Variants in RSBN1L observed in about 807,000 individuals in gnomAD.
The protein encoded by RSBN1L is lysine-specific demethylase RSBN1L.
RSBN1L carries 30 observed loss-of-function variants against 67.7 expected under a neutral mutation model. That is an observed-to-expected ratio of 0.44 (90% confidence interval 0.33 to 0.60). RSBN1L has a LOEUF of 0.60. RSBN1L is among the 20% of genes least tolerant of loss of function. The pLI, the probability that RSBN1L is intolerant of heterozygous loss-of-function variation, is 0.02. For synonymous variants in RSBN1L, 433 were observed against 387.0 expected, an observed-to-expected ratio of 1.12 and a Z score of -1.39; for missense variants, 992 against 1,031.7, an observed-to-expected ratio of 0.96 and a Z score of 0.53.
chr7:77,776,056 C>A (rs1283929874), intron 6 of RSBN1L, among the ~76,000 whole-genome samples: 3 of 150,012 alleles, frequency 2.0e-5, no homozygotes, highest in Non-Finnish European at 3.0e-5. Context: ...GACTCCGTCT[C>A]AAAAAAAAAA....
chr7:77,771,806 G>T (rs1182134371), intron 5 of RSBN1L, among the ~76,000 whole-genome samples: 1 of 149,224 alleles, frequency 6.7e-6, no homozygotes, highest in Non-Finnish European at 1.5e-5. Context: ...CACTGTGCCC[G>T]GCCTCCTCAG....
intron 3 of RSBN1L, among the ~76,000 whole-genome samples, chr7:77,752,258 G>A (rs1350558570): frequency 5.9e-5 from 9 of 152,190 alleles, no homozygotes; most frequent in African/African-American, 1.9e-4. Context: ...TTTTTTACCA[G>A]TTGTGGTTCT....
intron 1 of RSBN1L, among the ~76,000 whole-genome samples, chr7:77,701,112 A>G (rs1206486929): frequency 6.8e-6 from 1 of 146,954 alleles, no homozygotes; most frequent in East Asian, 2.0e-4. Flanking sequence ...AGATGGCGTC[A>G]CTGTACTCCA....
intron 1 of RSBN1L, among the ~76,000 whole-genome samples, chr7:77,700,931 C>T (rs938123219): frequency 1.3e-5 from 2 of 151,974 alleles, no homozygotes; most frequent in African/African-American, 4.8e-5. Flanking sequence ...CTGAAGCTGG[C>T]GAATCGCCTG....
chr7:77,752,213 AT>A (rs1396082264), intron 3 of RSBN1L, among the ~76,000 whole-genome samples: 6 of 152,058 alleles, frequency 3.9e-5, no homozygotes, highest in African/African-American at 1.5e-4. Context: ...GGTAATATAT[AT>A]TGCAAAGAGG....
chr7:77,760,596 T>C (rs1791686205), intron 3 of RSBN1L, among the ~76,000 whole-genome samples: 1 of 152,222 alleles, frequency 6.6e-6, no homozygotes, highest in Non-Finnish European at 1.5e-5. Flanking sequence ...GCATTTCTTT[T>C]TTTAGAAAGC....
intron 3 of RSBN1L, among the ~76,000 whole-genome samples, chr7:77,753,785 G>A (rs1371344866): frequency 6.6e-6 from 1 of 152,162 alleles, no homozygotes; most frequent in African/African-American, 2.4e-5. Flanking sequence ...GCAGCTAAAA[G>A]TATTGGAAAA....
chr7:77,708,297 T>C (rs1396698370), intron 1 of RSBN1L, among the ~76,000 whole-genome samples: 2 of 152,014 alleles, frequency 1.3e-5, no homozygotes, highest in Non-Finnish European at 2.9e-5. Context: ...CTGGCTAAGA[T>C]TGATGCTTTT....
intron 1 of RSBN1L, among the ~76,000 whole-genome samples, chr7:77,729,037 A>G (rs1451158766): frequency 6.6e-6 from 1 of 152,082 alleles, no homozygotes; most frequent in Non-Finnish European, 1.5e-5. Flanking sequence ...TAACATATTG[A>G]AAATATTTTG....
intron 1 of RSBN1L, among the ~76,000 whole-genome samples, chr7:77,705,188 A>G (rs1790874432): frequency 6.6e-6 from 1 of 152,200 alleles, no homozygotes; most frequent in South Asian, 2.1e-4. Context: ...GATAAAATAC[A>G]TGTACCTTGA....
intron 2 of RSBN1L, among the ~76,000 whole-genome samples, chr7:77,741,425 C>G (rs1444936856): frequency 1.3e-5 from 2 of 151,856 alleles, no homozygotes; most frequent in East Asian, 3.9e-4. Context: ...GATGTGGTGG[C>G]TCACGCCTGT....
chr7:77,723,059 C>T lies in RSBN1L; in HGVS notation c.587-13351C>T, dbSNP rs376430124. ...CTCGGCTCACCACAACCTCCGCCTC[C>T]TGGTTCAATCGGTTCTTGTGTCTCA... On this transcript the variant is annotated intron_variant, in intron 1 of 7. Transcript: ENST00000334955. 2.4e-4 allele frequency among the ~76,000 whole-genome samples: 37 copies of T among 151,692 alleles called. 1 individual carries two copies. In the South Asian group the frequency reaches 2.7e-3, roughly 11 times the overall value.
intron 4 of RSBN1L, among the ~76,000 whole-genome samples, chr7:77,766,144 G>A (rs1013974218): frequency 2.0e-5 from 3 of 152,198 alleles, no homozygotes; most frequent in Admixed American, 6.5e-5. Flanking sequence ...CTGGGCTTCA[G>A]TTTCATCATC....
chr7:77,708,412 C>T (rs991186540), intron 1 of RSBN1L, among the ~76,000 whole-genome samples: 4 of 148,552 alleles, frequency 2.7e-5, no homozygotes, highest in Admixed American at 1.3e-4. Flanking sequence ...AGATAAGTCT[C>T]GCTCTGTCAC....
intron 1 of RSBN1L, among the ~76,000 whole-genome samples, chr7:77,731,626 C>CTT (rs1791273142): frequency 6.6e-6 from 1 of 152,070 alleles, no homozygotes; most frequent in Non-Finnish European, 1.5e-5. Flanking sequence ...ACATCTTTAC[C>CTT]AAGTATTTTC....
intron 6 of RSBN1L, among the ~76,000 whole-genome samples, chr7:77,777,681 T>A (rs1482198170): frequency 6.6e-6 from 1 of 152,118 alleles, no homozygotes; most frequent in African/African-American, 2.4e-5. Context: ...TAGTTATGAT[T>A]TGCCTTCATA....
At chr7:77,724,847 G>GTT (rs1306843890) in intron 1 of RSBN1L, among the ~76,000 whole-genome samples, 2 of 132,354 alleles carry the variant, frequency 1.5e-5, no homozygotes, top group Non-Finnish European at 3.3e-5. Context: ...TTTCTTTTTT[G>GTT]TTTTTTTTTT....
rs371721014 is a variant in RSBN1L, at chr7:77,712,675, T to C, written c.586+15620T>C. Among the ~76,000 whole-genome samples, 2 of 152,206 alleles carry C rather than the reference T, an allele frequency of 1.3e-5. 1 individual carries two copies. Among genetic ancestry groups the C allele is most frequent in the South Asian group, 4.1e-4 (2 of 4,834 alleles). On this transcript the variant is annotated intron_variant, in intron 1 of 7. Coordinates refer to ENST00000334955, the MANE Select transcript of RSBN1L (RefSeq NM_198467.3). The stretch of plus-strand genomic sequence containing the variant: ...TATTAGAAATACTGTTCCATGTCAA[T>C]ATGTGTAGAACTATATTATCAATTT...
intron 1 of RSBN1L, among the ~76,000 whole-genome samples, chr7:77,733,721 T>G (rs1362091936): frequency 6.6e-6 from 1 of 152,164 alleles, no homozygotes; most frequent in Non-Finnish European, 1.5e-5. Flanking sequence ...AATAATTGAG[T>G]CATAGTGTAT....
Sources: gnomAD v4.1 joint callset for allele counts (sites outside exome capture counted in the v4.1 genomes callset) on GRCh38, gnomAD v4.1.1 for gene constraint, MANE v1.5 for transcripts, NCBI Gene and HGNC (gene_info 2026-07-23, HGNC 2026-07-21) for gene names.